TENM4: variants seen among roughly 807,000 people sequenced by gnomAD.
The protein encoded by TENM4 is teneurin-4.
A neutral mutation model predicts 243.3 loss-of-function variants in TENM4; 82 were observed. The ratio of observed to expected loss-of-function variants is 0.34; its 90% CI spans 0.28 to 0.40. The LOEUF (loss-of-function observed/expected upper bound fraction) is 0.40, where lower values mean the gene tolerates loss of function less well. Among genes scored for constraint, TENM4 ranks in the 10% least tolerant of loss-of-function variants. The pLI is 1.00. For missense variants in TENM4, 3,138 were observed against 3,673.3 expected (o/e 0.85, Z 3.77); for synonymous variants, 1,412 against 1,456.3 (o/e 0.97, Z 0.69).
intron 32 of TENM4, among the ~76,000 whole-genome samples, chr11:78,668,389 GC>G (rs1182830051): frequency 1.3e-5 from 2 of 152,124 alleles, no homozygotes; most frequent in Non-Finnish European, 2.9e-5. Flanking sequence ...GGAATTCAGG[GC>G]AGTTAAATAA....
At chr11:79,077,710 G>T (rs1388899026) in intron 4 of TENM4, among the ~76,000 whole-genome samples, 1 of 152,210 alleles carries the variant, frequency 6.6e-6, no homozygotes. Context: ...CAGACTCTGG[G>T]GAGGGAAAGA....
intron 12 of TENM4, among the ~76,000 whole-genome samples, chr11:78,825,989 G>C (rs1857839273): frequency 6.6e-6 from 1 of 151,766 alleles, no homozygotes; most frequent in Admixed American, 6.6e-5. Context: ...GGTGTGGGGA[G>C]CTGCTAATTA....
At chr11:79,285,746 T>A (rs1399776378) in intron 2 of TENM4, among the ~76,000 whole-genome samples, 69 of 149,940 alleles carry the variant, frequency 4.6e-4, no homozygotes, top group African/African-American at 1.7e-3. Flanking sequence ...TTATGCTAAG[T>A]GAAAAAAACC....
Position 78,712,578 on chromosome 11 carries a change from C to T in TENM4, c.3958G>A (p.Val1320Met). The change falls in exon 26 of 34, where the codon GTG becomes ATG. Residue 1320 changes from valine to methionine, a missense_variant. By Grantham distance (21) the Val-to-Met change is conservative. Around this residue, in one of 2 missense-constraint regions of TENM4, gnomAD observed 2,467 missense variants for 3,059.1 expected, o/e 0.81. Transcript: ENST00000278550. ...CACTGGTCACCTGTCCCCGCAACCA[C>T]CTCAGAGTTCTTGACAAGGTCCTTC... Reference protein sequence around the residue: ...VVKDLVKNSEVVAGTGDQCLP... With the variant: ...VVKDLVKNSEMVAGTGDQCLP... 6.2e-7 allele frequency: 1 copy of T among 1,614,002 alleles called. No homozygotes were observed. Among genetic ancestry groups the T allele is most frequent in the Middle Eastern group, 1.6e-4 (1 of 6,062 alleles).
At chr11:78,821,010 G>A (rs1857714042) in intron 12 of TENM4, among the ~76,000 whole-genome samples, 1 of 152,156 alleles carries the variant, frequency 6.6e-6, no homozygotes, top group African/African-American at 2.4e-5. Context: ...GGAATTCAAA[G>A]GCCTTCAGTC....
intron 4 of TENM4, among the ~76,000 whole-genome samples, chr11:79,079,707 T>C (rs1396396302): frequency 6.6e-6 from 1 of 151,944 alleles, no homozygotes; most frequent in Non-Finnish European, 1.5e-5. Context: ...TCCACACCTG[T>C]AGTCCCAGTT....
intron 6 of TENM4, 178 bp downstream of exon 6, chr11:79,064,560 C>T: frequency 3.8e-6 from 3 of 799,978 alleles, no homozygotes; most frequent in Non-Finnish European, 5.8e-6. Context: ...TGGCATGTCA[C>T]TCATGGGTGG....
At chr11:78,713,884 G>A (rs996447701) in intron 25 of TENM4, among the ~76,000 whole-genome samples, 1 of 152,114 alleles carries the variant, frequency 6.6e-6, no homozygotes, top group Non-Finnish European at 1.5e-5. Context: ...TGGTGCTTCT[G>A]AGAAGCTAAT....
intron 1 of TENM4, among the ~76,000 whole-genome samples, chr11:79,408,939 C>T (rs1858629275): frequency 6.6e-6 from 1 of 152,062 alleles, no homozygotes; most frequent in Admixed American, 6.5e-5. Context: ...TATCACATAA[C>T]AATATAATTG....
chr11:78,686,645 A>C (rs1392750065), intron 29 of TENM4, among the ~76,000 whole-genome samples: 1 of 152,220 alleles, frequency 6.6e-6, no homozygotes, highest in Non-Finnish European at 1.5e-5. Flanking sequence ...AAGGACACCC[A>C]GCTGGTGTCC....
chr11:78,996,532 G>A (rs966126093), intron 6 of TENM4, among the ~76,000 whole-genome samples: 2 of 152,198 alleles, frequency 1.3e-5, no homozygotes, highest in African/African-American at 4.8e-5. Context: ...ACACATGGTT[G>A]TTATTTTAAG....
intron 2 of TENM4, among the ~76,000 whole-genome samples, chr11:79,218,238 A>ACC (rs1476288580): frequency 9.4e-6 from 1 of 106,644 alleles, no homozygotes; most frequent in Non-Finnish European, 1.8e-5. Flanking sequence ...CTGCCCACCC[A>ACC]CCCCCGACAC....
chr11:78,833,677 C>A (rs573418544), intron 12 of TENM4, among the ~76,000 whole-genome samples: 1 of 152,192 alleles, frequency 6.6e-6, no homozygotes, highest in South Asian at 2.1e-4. Context: ...GCTTCCTGGA[C>A]CCCCTTCCTT....
chr11:79,213,440 G>A (rs1863989686), intron 3 of TENM4, among the ~76,000 whole-genome samples: 1 of 152,180 alleles, frequency 6.6e-6, no homozygotes, highest in African/African-American at 2.4e-5. Context: ...TACACACCAG[G>A]TAGAGACAGA....
At chr11:78,880,656 TG>T (rs1855400580) in intron 9 of TENM4, among the ~76,000 whole-genome samples, 1 of 152,144 alleles carries the variant, frequency 6.6e-6, no homozygotes, top group Non-Finnish European at 1.5e-5. Flanking sequence ...AGCCATGATA[TG>T]GAGGTCAAGG....
In TENM4 at chr11:79,138,826, C is replaced by T. The variant is rs1292865745; in HGVS notation, c.-66+9884G>A. 3.4e-4 allele frequency among the ~76,000 whole-genome samples: 27 copies of T among 78,672 alleles called. 3 individuals carry two copies. The highest frequency in any genetic ancestry group is 1.2e-3 in the African/African-American group (16 of 13,816). 51.6% of individuals were successfully genotyped at this position (78,672 alleles called of 152,430 possible). On this transcript the variant is annotated intron_variant, in intron 4 of 33. Coordinates refer to ENST00000278550, the MANE Select transcript of TENM4 (RefSeq NM_001098816.3). ...AAACATACATATTTATATAAATATA[C>T]AAAACATACATTATATTTATATAAA... is the stretch of plus-strand genomic sequence containing the variant.
chr11:78,709,552 C>G (rs1859349817), intron 26 of TENM4, among the ~76,000 whole-genome samples: 1 of 152,144 alleles, frequency 6.6e-6, no homozygotes, highest in East Asian at 1.9e-4. Context: ...GAGATTGCTC[C>G]AAATCTGTAT....
chr11:78,981,644 C>G (rs1173102475), intron 6 of TENM4, among the ~76,000 whole-genome samples: 1 of 152,230 alleles, frequency 6.6e-6, no homozygotes, highest in Non-Finnish European at 1.5e-5. Flanking sequence ...AGCCAAGAAG[C>G]TGAATCTGAG....
chr11:78,825,860 G>C (rs1857836541), intron 12 of TENM4, among the ~76,000 whole-genome samples: 1 of 152,116 alleles, frequency 6.6e-6, no homozygotes, highest in Non-Finnish European at 1.5e-5. Context: ...TAAGAAATCA[G>C]TGTAAAACAC....
Sources: gnomAD v4.1 joint callset for allele counts (sites outside exome capture counted in the v4.1 genomes callset) on GRCh38, gnomAD v4.1.1 for gene constraint, gnomAD v4.1.1 regional missense constraint, MANE v1.5 for transcripts, NCBI Gene and HGNC (gene_info 2026-07-23, HGNC 2026-07-21) for gene names.